Variants in CSMD3 observed in about 807,000 individuals in gnomAD.
CSMD3 encodes CUB and sushi domain-containing protein 3.
CSMD3 carries 177 observed loss-of-function variants against 435.2 expected under a neutral mutation model. The observed-to-expected ratio is 0.41, with a 90% CI of 0.36 to 0.46. CSMD3 has a LOEUF of 0.46. CSMD3 is among the 20% of genes least tolerant of loss of function. The pLI is 0.34. For synonymous variants in CSMD3, 1,656 were observed against 1,520.5 expected, an observed-to-expected ratio of 1.09 and a Z score of -2.07; for missense variants, 4,265 against 4,504.6, an observed-to-expected ratio of 0.95 and a Z score of 1.52.
At chr8:112,911,787 A>G (rs996008102) in intron 10 of CSMD3, among the ~76,000 whole-genome samples, 12 of 146,078 alleles carry the variant, frequency 8.2e-5, no homozygotes, top group East Asian at 2.1e-4. Context: ...TATATAAAAT[A>G]TAATTATGTT....
intron 3 of CSMD3, among the ~76,000 whole-genome samples, chr8:113,217,805 G>C (rs950935458): frequency 4.6e-5 from 7 of 151,124 alleles, no homozygotes; most frequent in African/African-American, 1.2e-4. Context: ...TATAAGATAT[G>C]ATGGCCCAAA....
At chr8:113,368,381 A>C (rs1213981888) in intron 1 of CSMD3, among the ~76,000 whole-genome samples, 1 of 152,136 alleles carries the variant, frequency 6.6e-6, no homozygotes, top group Non-Finnish European at 1.5e-5. Flanking sequence ...TAGACTTATC[A>C]CTGGTCTTCA....
At chr8:113,300,630 T>C (rs1389762093) in intron 2 of CSMD3, among the ~76,000 whole-genome samples, 2 of 152,036 alleles carry the variant, frequency 1.3e-5, no homozygotes, top group African/African-American at 2.4e-5. Context: ...AAGGAAGAGT[T>C]AAACACTGAA....
chr8:112,241,986 T>A (rs2130071750), intron 65 of CSMD3, among the ~76,000 whole-genome samples: 1 of 152,206 alleles, frequency 6.6e-6, no homozygotes, highest in African/African-American at 2.4e-5. Context: ...ATGCAACTAA[T>A]GATTTCAATA....
At chr8:112,364,328 G>A (rs748292330) in intron 38 of CSMD3, among the ~76,000 whole-genome samples, 2 of 151,796 alleles carry the variant, frequency 1.3e-5, no homozygotes, top group South Asian at 2.1e-4. Flanking sequence ...TAGGTGTAGG[G>A]GAAGAGAAAA....
intron 3 of CSMD3, among the ~76,000 whole-genome samples, chr8:113,175,762 C>G (rs1346437592): frequency 6.6e-6 from 1 of 151,992 alleles, no homozygotes; most frequent in African/African-American, 2.4e-5. Context: ...AAAGGAGATA[C>G]TTTTAATGAA....
intron 16 of CSMD3, among the ~76,000 whole-genome samples, chr8:112,678,284 T>C (rs897089278): frequency 1.3e-5 from 2 of 152,132 alleles, no homozygotes; most frequent in Non-Finnish European, 2.9e-5. Flanking sequence ...AATATCTAGA[T>C]GAAGTTGAGT....
chr8:113,410,313 C>G (rs923394393), intron 1 of CSMD3, among the ~76,000 whole-genome samples: 1 of 152,176 alleles, frequency 6.6e-6, no homozygotes, highest in African/African-American at 2.4e-5. Flanking sequence ...TTATCACCTA[C>G]TATCTCCTTA....
At chr8:112,762,681 T>TGAATTTTGG (rs2077870637) in intron 13 of CSMD3, among the ~76,000 whole-genome samples, 13 of 152,094 alleles carry the variant, frequency 8.5e-5, no homozygotes, top group Middle Eastern at 3.4e-3. Flanking sequence ...TTGGCTGGTT[T>TGAATTTTGG]CTGTTAATGA....
At chr8:112,995,620 G>T (rs1042982316) in intron 6 of CSMD3, among the ~76,000 whole-genome samples, 5 of 151,196 alleles carry the variant, frequency 3.3e-5, no homozygotes, top group African/African-American at 7.3e-5. Flanking sequence ...AATAATTATG[G>T]TTCCTTAAAT....
intron 5 of CSMD3, among the ~76,000 whole-genome samples, chr8:113,030,838 T>G (rs541585813): frequency 2.2e-4 from 34 of 151,242 alleles, no homozygotes; most frequent in Admixed American, 7.9e-4. Flanking sequence ...AGAAAAAAAT[T>G]CACAAAATAA....
chr8:112,521,539 T>C (rs1182254176), intron 27 of CSMD3, among the ~76,000 whole-genome samples: 2 of 151,964 alleles, frequency 1.3e-5, no homozygotes, highest in South Asian at 2.1e-4. Context: ...TGTTACTTGA[T>C]AACCTAATGA....
At chr8:113,077,123 C>T (rs889164495) in intron 5 of CSMD3, among the ~76,000 whole-genome samples, 1 of 152,020 alleles carries the variant, frequency 6.6e-6, no homozygotes, top group Non-Finnish European at 1.5e-5. Context: ...TACACATACA[C>T]ACGAGTGCAT....
chr8:112,753,937 A>G (rs2077631960), intron 13 of CSMD3, among the ~76,000 whole-genome samples: 1 of 152,036 alleles, frequency 6.6e-6, no homozygotes, highest in Non-Finnish European at 1.5e-5. Flanking sequence ...ACAAATTGCC[A>G]AAATTTATCT....
intron 45 of CSMD3, among the ~76,000 whole-genome samples, chr8:112,324,571 G>T (rs1823312917): frequency 1.0e-5 from 1 of 99,912 alleles, no homozygotes. Context: ...GAAGCAAGGG[G>T]TGTGTGTGTG....
intron 27 of CSMD3, among the ~76,000 whole-genome samples, chr8:112,521,022 T>A (rs929335961): frequency 2.6e-5 from 4 of 152,116 alleles, no homozygotes; most frequent in Non-Finnish European, 4.4e-5. Context: ...GTTGCTAGTA[T>A]TAAACACTGT....
chr8:112,713,235 C>T (rs1367170692), intron 13 of CSMD3, among the ~76,000 whole-genome samples: 1 of 151,868 alleles, frequency 6.6e-6, no homozygotes. Context: ...AACTGTGAAA[C>T]CCACAGATCA....
At chr8:113,029,968 CT>C (rs1163100512) in intron 5 of CSMD3, among the ~76,000 whole-genome samples, 4 of 151,586 alleles carry the variant, frequency 2.6e-5, no homozygotes, top group African/African-American at 9.7e-5. Context: ...AGTAGCTCTT[CT>C]ACATGCTAAC....
At chr8:113,347,244 C>T (rs2094158184) in intron 1 of CSMD3, among the ~76,000 whole-genome samples, 1 of 152,122 alleles carries the variant, frequency 6.6e-6, no homozygotes, top group South Asian at 2.1e-4. Flanking sequence ...TTGACACTTA[C>T]TTTTCTTCAC....
Sources: allele counts gnomAD v4.1 joint callset (sites outside exome capture counted in the v4.1 genomes callset), GRCh38; gene constraint gnomAD v4.1.1; transcripts MANE v1.5; gene names NCBI Gene and HGNC (gene_info 2026-07-23, HGNC 2026-07-21).